DLG1: variants seen among roughly 807,000 people sequenced by gnomAD.
DLG1 encodes disks large homolog 1.
Under a neutral mutation model 123.4 loss-of-function variants are expected in DLG1, and 42 were observed. The ratio of observed to expected loss-of-function variants is 0.34; its 90% CI spans 0.27 to 0.44. DLG1 has a LOEUF of 0.44. Among genes scored for constraint, DLG1 ranks in the 20% least tolerant of loss-of-function variants. The probability of loss-of-function intolerance (pLI) is 1.00; values close to 1 mark genes in which losing one functional copy is unlikely to be tolerated. For synonymous variants in DLG1, 317 were observed against 356.2 expected (o/e 0.89, Z 1.24); for missense variants, 942 against 1,082.6 (o/e 0.87, Z 1.82).
At chr3:197,182,707 T>TA (rs1365408049) in intron 5 of DLG1, among the ~76,000 whole-genome samples, 1 of 151,906 alleles carries the variant, frequency 6.6e-6, no homozygotes, top group Non-Finnish European at 1.5e-5. Flanking sequence ...AACTTGTTTT[T>TA]AGACCATTTC....
At chr3:197,114,005 TAAAAG>T (rs1560766127) in intron 13 of DLG1, among the ~76,000 whole-genome samples, 2 of 151,250 alleles carry the variant, frequency 1.3e-5, no homozygotes, top group African/African-American at 4.9e-5. Flanking sequence ...TCTTAAAAAA[TAAAAG>T]AAAGAAAAAA....
At chr3:197,198,487 C>CA (rs5855568) in intron 4 of DLG1, among the ~76,000 whole-genome samples, 1,878 of 109,580 alleles carry the variant, frequency 0.017, 71 homozygotes, top group African/African-American at 0.056. Flanking sequence ...ACTCAGTCTC[C>CA]AAAAAAAAAA....
intron 23 of DLG1, among the ~76,000 whole-genome samples, chr3:197,055,243 G>A (rs150796563): frequency 4.6e-5 from 7 of 152,318 alleles, no homozygotes; most frequent in South Asian, 2.1e-4. Context: ...GAGCCACTGC[G>A]CTGGGCCTAT....
At chr3:197,268,205 AATG>A (rs1395418065) in intron 4 of DLG1, among the ~76,000 whole-genome samples, 2 of 152,206 alleles carry the variant, frequency 1.3e-5, no homozygotes, top group Non-Finnish European at 2.9e-5. Context: ...AGATTATTTA[AATG>A]ATGAGTTACT....
chr3:197,258,299 C>T (rs531431503), intron 4 of DLG1, among the ~76,000 whole-genome samples: 2 of 152,220 alleles, frequency 1.3e-5, no homozygotes, highest in East Asian at 3.9e-4. Context: ...GGCATTAATA[C>T]TACTGTAAAT....
chr3:197,251,224 A>C (rs975707346), intron 4 of DLG1, among the ~76,000 whole-genome samples: 1 of 152,042 alleles, frequency 6.6e-6, no homozygotes, highest in Non-Finnish European at 1.5e-5. Context: ...AAACAAAAAA[A>C]CAAATAAATA....
intron 4 of DLG1, among the ~76,000 whole-genome samples, chr3:197,214,418 C>CA (rs1306660623): frequency 1.3e-5 from 2 of 151,868 alleles, no homozygotes; most frequent in African/African-American, 4.8e-5. Flanking sequence ...ACTAAAAACA[C>CA]AAAAAGTAGC....
At chr3:197,295,993 C>A (rs1041232182) in intron 3 of DLG1, among the ~76,000 whole-genome samples, 2 of 152,214 alleles carry the variant, frequency 1.3e-5, no homozygotes, top group African/African-American at 4.8e-5. Context: ...GAACCCTTCA[C>A]ACGCTTTCAA....
intron 18 of DLG1, among the ~76,000 whole-genome samples, chr3:197,072,040 T>C (rs6766432): frequency 0.02 from 3,084 of 152,278 alleles, 112 homozygotes; most frequent in African/African-American, 0.07. Flanking sequence ...AGACAATATA[T>C]GCAGTTTCAT....
At chr3:197,055,658 G>A (rs1327976609) in intron 23 of DLG1, among the ~76,000 whole-genome samples, 1 of 152,148 alleles carries the variant, frequency 6.6e-6, no homozygotes, top group Non-Finnish European at 1.5e-5. Context: ...TGAATGTCCT[G>A]GTCTGGCCCC....
At chr3:197,096,525 A>AC (rs1388787549) in intron 14 of DLG1, among the ~76,000 whole-genome samples, 2 of 151,954 alleles carry the variant, frequency 1.3e-5, no homozygotes, top group East Asian at 3.9e-4. Context: ...GGTGTAGATT[A>AC]AACTATTTTT....
intron 11 of DLG1, among the ~76,000 whole-genome samples, chr3:197,124,729 A>G (rs774690357): frequency 5.3e-5 from 8 of 151,930 alleles, no homozygotes; most frequent in Non-Finnish European, 1.0e-4. Flanking sequence ...GGCACGCACC[A>G]TTGTGCCTGG....
At chr3:197,207,276 G>A (rs1376227544) in intron 4 of DLG1, among the ~76,000 whole-genome samples, 1 of 152,106 alleles carries the variant, frequency 6.6e-6, no homozygotes, top group African/African-American at 2.4e-5. Flanking sequence ...CAATTAGATG[G>A]TACAAGGAAA....
intron 4 of DLG1, among the ~76,000 whole-genome samples, chr3:197,244,877 A>AG (rs1561653745): frequency 6.6e-6 from 1 of 152,126 alleles, no homozygotes; most frequent in Non-Finnish European, 1.5e-5. Flanking sequence ...TTTAGCTTTG[A>AG]GGGAAGAGAA....
chr3:197,146,608 G>T (rs1018193789), intron 6 of DLG1, among the ~76,000 whole-genome samples: 5 of 152,122 alleles, frequency 3.3e-5, no homozygotes, highest in Non-Finnish European at 7.4e-5. Flanking sequence ...TGTAGAAAAT[G>T]AAACTGGATC....
chr3:197,101,481 G>A (rs1376081709), intron 14 of DLG1, among the ~76,000 whole-genome samples: 4 of 151,984 alleles, frequency 2.6e-5, no homozygotes, highest in African/African-American at 9.7e-5. Context: ...GGCCTCCCGG[G>A]TTCACGCCAT....
intron 4 of DLG1, among the ~76,000 whole-genome samples, chr3:197,240,462 A>C (rs1748258942): frequency 6.6e-6 from 1 of 152,214 alleles, no homozygotes; most frequent in Non-Finnish European, 1.5e-5. Context: ...CAGACAGAGA[A>C]GGCTGAATAA....
chr3:197,284,474 T>A (rs1770863687), intron 3 of DLG1, among the ~76,000 whole-genome samples: 1 of 152,282 alleles, frequency 6.6e-6, no homozygotes, highest in East Asian at 1.9e-4. Context: ...TATGCAAAAA[T>A]TTAACTTGAG....
In DLG1 at chr3:197,119,811, T is replaced by C. The variant is rs111696824; in HGVS notation, c.1166-281A>G. ...TTAAAGAATTATATACAGTCCAAAT[T>C]TGATTGTGAATAATAAAAATCAGAG... On this transcript the variant is annotated intron_variant, in intron 11 of 24. Transcript: ENST00000667157. Among the ~76,000 whole-genome samples, 569 of 152,256 alleles carry C rather than the reference T, an allele frequency of 3.7e-3. 3 individuals carry two copies. Among genetic ancestry groups the C allele is most frequent in the African/African-American group, 0.013 (537 of 41,554 alleles).
Sources: allele counts gnomAD v4.1 joint callset (sites outside exome capture counted in the v4.1 genomes callset), GRCh38; gene constraint gnomAD v4.1.1; transcripts MANE v1.5; gene names NCBI Gene and HGNC (gene_info 2026-07-23, HGNC 2026-07-21).